The following KIF21B variants were observed in gnomAD, a reference collection of about 807,000 sequenced individuals.
KIF21B encodes kinesin-like protein KIF21B.
Under a neutral mutation model 192.9 loss-of-function variants are expected in KIF21B, and 85 were observed. The ratio of observed to expected loss-of-function variants is 0.44; its 90% CI spans 0.37 to 0.53. KIF21B has a LOEUF of 0.53. KIF21B is among the 20% of genes least tolerant of loss of function. The pLI is 0.00. For synonymous variants in KIF21B, 832 were observed against 884.6 expected (o/e 0.94, Z 1.05); for missense variants, 1,716 against 2,194.8 (o/e 0.78, Z 4.36).
chr1:201,009,417 G>A lies in KIF21B; in HGVS notation c.113C>T (p.Pro38Leu). 6.2e-7 allele frequency: 1 copy of A among 1,614,248 alleles called. No homozygotes were observed. Among genetic ancestry groups the A allele is most frequent in the Non-Finnish European group, 8.5e-7 (1 of 1,180,042 alleles). The part of the protein sequence containing the change: ...HICTSVTPGE[P>L]QVLLGKDKAF... ...CTTGTCCTTCCCCAGCAGGACCTGG[G>A]GCTCTCCCGGGGTAACAGAGGTACA... Residue 38 changes from proline (P) to leucine (L), a missense_variant, in exon 2 of 35, where the codon CCC (proline) becomes CTC (leucine). Pro to Leu is a moderately conservative substitution (Grantham distance 98). This residue lies in a region of KIF21B where 1,087 missense variants were observed against 1,316.6 expected (regional missense o/e 0.83). Transcript: ENST00000461742.
At chr1:201,012,719 A>G (rs1393083347) in intron 1 of KIF21B, among the ~76,000 whole-genome samples, 2 of 152,102 alleles carry the variant, frequency 1.3e-5, no homozygotes, top group Non-Finnish European at 2.9e-5. Flanking sequence ...TCATGGCTCA[A>G]TGCAGCCTCA....
At chr1:201,011,126 C>A (rs1277543251) in intron 1 of KIF21B, among the ~76,000 whole-genome samples, 1 of 152,252 alleles carries the variant, frequency 6.6e-6, no homozygotes, top group Non-Finnish European at 1.5e-5. Flanking sequence ...CGTCTCCCAA[C>A]TGAATTGGCT....
rs529565551 is a variant in KIF21B at position 200,998,829 on chromosome 1, A to T, written c.1886-254T>A. 6.6e-6 allele frequency among the ~76,000 whole-genome samples: 1 copy of T among 152,310 alleles called. No homozygotes were observed. The highest frequency in any genetic ancestry group is 1.5e-5 in the Non-Finnish European group (1 of 68,016). ...GGGGATCTACACGTCCTTCCCAGCC[A>T]TTCGAGGCCAGCATCCACCTGTTCC... is the stretch of plus-strand genomic sequence containing the variant. On this transcript the variant is annotated intron_variant, in intron 13 of 34. Transcript: ENST00000461742. The surrounding 1 kb of genome is among the most constrained non-coding windows in gnomAD (Gnocchi z 4.3).
chr1:201,015,650 G>A (rs543959268), intron 1 of KIF21B, among the ~76,000 whole-genome samples: 1 of 152,318 alleles, frequency 6.6e-6, no homozygotes, highest in African/African-American at 2.4e-5. Flanking sequence ...TGTGGCGGAT[G>A]AGTGAGTGTA....
At chr1:201,010,116 A>C (rs916259197) in intron 1 of KIF21B, among the ~76,000 whole-genome samples, 1 of 152,230 alleles carries the variant, frequency 6.6e-6, no homozygotes, top group Non-Finnish European at 1.5e-5. Flanking sequence ...GGGGGCTGCA[A>C]GCAGGAGGCC....
Position 201,008,994 on chromosome 1 carries a change from G to A in KIF21B, c.265-43C>T, listed in dbSNP as rs765885923. On this transcript the variant is annotated intron_variant, in intron 2 of 34. Coordinates refer to ENST00000461742, the MANE Select transcript of KIF21B (RefSeq NM_001252102.2). ...GGAGGGTGTAACCCTGCACCCTTTG[G>A]GGGCACCAGCAAGCCCTGTACCTGG... is the stretch of plus-strand genomic sequence containing the variant. 7 of 1,562,578 alleles carry A rather than the reference G, an allele frequency of 4.5e-6. No individual in the cohort carries two copies. In the East Asian group the frequency reaches 1.6e-4, roughly 35 times the overall value.
chr1:201,008,795 A>G lies in KIF21B; in HGVS notation c.421T>C (p.Phe141Leu), dbSNP rs1558024896. ...TCCAGAAACTGGGCGCTGACTTTGA[A>G]CTCAGGTCCAGCCACGCCCTGCTCC... is the stretch of plus-strand genomic sequence containing the variant. The part of the protein sequence containing the change: ...AQEQGVAGPE[F>L]KVSAQFLELY... The change falls in exon 3 of 35, where the codon TTC becomes CTC. Residue 141 changes from phenylalanine (F) to leucine (L), a missense_variant. Around this residue, in one of 3 missense-constraint regions of KIF21B, gnomAD observed 1,087 missense variants for 1,316.6 expected, o/e 0.83. Transcript: ENST00000461742. 1 of 1,602,488 alleles carries G rather than the reference A, an allele frequency of 6.2e-7. No individual in the cohort carries two copies. The highest frequency in any genetic ancestry group is 2.2e-5 in the East Asian group (1 of 44,840).
intron 16 of KIF21B, among the ~76,000 whole-genome samples, chr1:200,991,987 A>C (rs193166724): frequency 6.6e-6 from 1 of 152,350 alleles, no homozygotes; most frequent in Admixed American, 6.5e-5. Flanking sequence ...GCTCAGCCCT[A>C]CTGGGGCTTC....
At chr1:200,988,566 G>A (rs1216756548) in intron 22 of KIF21B, 22 bp from the exon 23 acceptor site, 2 of 1,312,400 alleles carry the variant, frequency 1.5e-6, no homozygotes, top group South Asian at 2.5e-5. Context: ...CGGGAGGGAG[G>A]GAAAGGGGTT....
intron 15 of KIF21B, among the ~76,000 whole-genome samples, chr1:200,993,193 T>C (rs893000856): frequency 7.2e-5 from 11 of 152,234 alleles, no homozygotes; most frequent in East Asian, 3.9e-4. Context: ...GCCACTGACC[T>C]CGGGCCCTGC....
Position 200,996,314 on chromosome 1 carries a change from T to A in KIF21B, c.2159A>T (p.Asp720Val). ...CTGGGCGGCCTGCAGCTTCTGCAGGTCCCGGTTCATCTCCCGCAGCCTCTT... is the reference window on the plus strand; with the variant it reads ...CTGGGCGGCCTGCAGCTTCTGCAGGACCCGGTTCATCTCCCGCAGCCTCTT... Reference protein sequence around the residue: ...YEKRLREMNRDLQKLQAAQKE... With the variant: ...YEKRLREMNRVLQKLQAAQKE... Residue 720 changes from aspartate (D) to valine (V), a missense_variant, in exon 15 of 35, where the codon GAC becomes GTC. Asp to Val is a radical substitution (Grantham distance 152). Coordinates refer to ENST00000461742, the MANE Select transcript of KIF21B (RefSeq NM_001252102.2). The A allele has an allele frequency of 1.2e-6, 2 of 1,614,144 alleles. No homozygotes were observed. Among genetic ancestry groups the A allele is most frequent in the Non-Finnish European group, 1.7e-6 (2 of 1,180,012 alleles).
intron 27 of KIF21B, 59 bp downstream of exon 27, chr1:200,984,800 C>A: frequency 7.7e-7 from 1 of 1,304,088 alleles, no homozygotes; most frequent in South Asian, 1.5e-5. Context: ...AAGGACCATC[C>A]ACAGGCTCCC....
At position 200,988,536 on chromosome 1, in the gene KIF21B, A is replaced by G; in HGVS notation, c.3307T>C (p.Tyr1103His). The G allele has an allele frequency of 1.0e-6, 1 of 953,026 alleles. No homozygotes were observed. The highest frequency in any genetic ancestry group is 1.6e-6 in the Non-Finnish European group (1 of 627,684). 59.0% of individuals were successfully genotyped at this position (953,026 alleles called of 1,614,324 possible). A position where few individuals can be genotyped will look rare whatever the true frequency, so the allele number is the denominator to read the frequency against. ...LIYNVQQENG[Y>H]ASTDEEISEF... ...GAGATCTCCTCATCTGTGCTGGCGT[A>G]GCCATTCTCTGTGGGAGGGCGGGAG... The change falls in exon 23 of 35, where the codon TAC becomes CAC. Residue 1103 changes from tyrosine (Y) to histidine (H), a missense_variant. Coordinates refer to ENST00000461742, the MANE Select transcript of KIF21B (RefSeq NM_001252102.2).
intron 34 of KIF21B, chr1:200,973,960 G>T: frequency 1.3e-6 from 2 of 1,541,664 alleles, no homozygotes; most frequent in Middle Eastern, 1.7e-4. Flanking sequence ...GGCCAGGCAG[G>T]ACAGGAAGGG....
chr1:200,988,970 G>A (rs1227171832), intron 21 of KIF21B, 39 bp from the exon 22 acceptor site: 1 of 1,567,254 alleles, frequency 6.4e-7, no homozygotes, highest in Non-Finnish European at 8.6e-7. Flanking sequence ...ACCCCTCCTG[G>A]GGGTTGGGAG....
intron 1 of KIF21B, among the ~76,000 whole-genome samples, chr1:201,013,264 G>A (rs1056985759): frequency 1.3e-5 from 2 of 152,204 alleles, no homozygotes; most frequent in African/African-American, 4.8e-5. Context: ...ACGAGCCACT[G>A]CTTCCTTCTA....
chr1:201,006,546 G>A (rs1439022398), intron 3 of KIF21B, among the ~76,000 whole-genome samples: 1 of 152,156 alleles, frequency 6.6e-6, no homozygotes, highest in East Asian at 1.9e-4. Context: ...CACATGAATG[G>A]GGAAGAGGAG....
intron 21 of KIF21B, among the ~76,000 whole-genome samples, chr1:200,989,274 G>A (rs896176547): frequency 1.3e-5 from 2 of 152,146 alleles, no homozygotes; most frequent in African/African-American, 4.8e-5. Context: ...TCCCAGACTG[G>A]TACTTGGTTA....
chr1:201,003,538 G>T, intron 8 of KIF21B, 48 bp downstream of exon 8: 1 of 1,592,348 alleles, frequency 6.3e-7, no homozygotes. Flanking sequence ...TGCATATGGA[G>T]CACTAGCTCC....
Sources: gnomAD v4.1 joint callset for allele counts (sites outside exome capture counted in the v4.1 genomes callset) on GRCh38, gnomAD v4.1.1 for gene constraint, gnomAD v4.1.1 regional missense constraint, Gnocchi (gnomAD v3.1) non-coding constraint, MANE v1.5 for transcripts, NCBI Gene and HGNC (gene_info 2026-07-23, HGNC 2026-07-21) for gene names.